The following PRPF39 variants were observed in gnomAD, a reference collection of about 807,000 sequenced individuals.
PRPF39 encodes pre-mRNA-processing factor 39.
Under a neutral mutation model 82.1 loss-of-function variants are expected in PRPF39, and 27 were observed. That is an observed-to-expected ratio of 0.33 (90% CI 0.24 to 0.45). The LOEUF is 0.45. PRPF39 is among the 20% of genes least tolerant of loss of function. The pLI, the probability that PRPF39 is intolerant of heterozygous loss-of-function variation, is 1.00. For synonymous variants in PRPF39, 261 were observed against 256.4 expected (o/e 1.02, Z -0.17); for missense variants, 581 against 796.9 (o/e 0.73, Z 3.26).
intron 5 of PRPF39, among the ~76,000 whole-genome samples, chr14:45,105,291 G>T (rs1280263162): frequency 6.6e-6 from 1 of 152,090 alleles, no homozygotes; most frequent in Non-Finnish European, 1.5e-5. Flanking sequence ...TAGTTATTTT[G>T]AAATTTTACC....
intron 10 of PRPF39, among the ~76,000 whole-genome samples, chr14:45,111,989 GA>G (rs754459066): frequency 3.3e-5 from 5 of 152,004 alleles, no homozygotes; most frequent in Admixed American, 3.3e-4. Context: ...GAAGCATAGA[GA>G]TTTTTTTTTA....
intron 1 of PRPF39, among the ~76,000 whole-genome samples, chr14:45,089,869 CTG>C (rs911543255): frequency 8.1e-4 from 123 of 152,228 alleles, no homozygotes; most frequent in African/African-American, 2.8e-3. Flanking sequence ...TCTTTTGACT[CTG>C]TGATTTGTGA....
At position 45,090,138 on chromosome 14, in the gene PRPF39, C is replaced by A. The variant is rs76963235; in HGVS notation, c.-19-5083C>A. On this transcript the variant is annotated intron_variant, in intron 1 of 13. Coordinates refer to ENST00000355765, the MANE Select transcript of PRPF39 (RefSeq NM_017922.4). ...TTAGACTGAGCTCTGAAATACAAAA[C>A]CACAAACTAGTGACTAATTTGCATT... 3.3e-3 allele frequency among the ~76,000 whole-genome samples: 495 copies of A among 152,244 alleles called. 5 individuals are homozygous for A. The highest frequency in any genetic ancestry group is 0.011 in the African/African-American group (473 of 41,526).
chr14:45,116,218 C>G lies in PRPF39; in HGVS notation c.*1305C>G, dbSNP rs1368077151. On this transcript the variant is annotated 3_prime_UTR_variant, in exon 14 of 14. Transcript: ENST00000355765. ...CTATTTCAATCAATATCCACTAATT[C>G]CACTTCAAAAGTGAGTTTTGCATTT... 4 of 1,612,504 alleles carry G rather than the reference C, an allele frequency of 2.5e-6. No homozygotes were observed. The highest frequency in any genetic ancestry group is 1.7e-6 in the Non-Finnish European group (2 of 1,178,908).
At chr14:45,086,361 G>A (rs904796841) in intron 1 of PRPF39, among the ~76,000 whole-genome samples, 5 of 152,320 alleles carry the variant, frequency 3.3e-5, no homozygotes, top group Non-Finnish European at 5.9e-5. Context: ...TATACTAAAA[G>A]TGAAAGGTAT....
chr14:45,095,192 A>G, intron 1 of PRPF39, 29 bp from the exon 2 acceptor site: 1 of 1,400,522 alleles, frequency 7.1e-7, no homozygotes, highest in Non-Finnish European at 9.8e-7. Flanking sequence ...CATTTGGAAG[A>G]TATTTCTCTT....
intron 1 of PRPF39, among the ~76,000 whole-genome samples, chr14:45,092,034 A>G (rs950844557): frequency 6.6e-6 from 1 of 152,208 alleles, no homozygotes; most frequent in African/African-American, 2.4e-5. Context: ...GAATCGTTTC[A>G]GATATGGTCA....
At chr14:45,085,989 A>G (rs1208199189) in intron 1 of PRPF39, among the ~76,000 whole-genome samples, 1 of 150,642 alleles carries the variant, frequency 6.6e-6, no homozygotes, top group East Asian at 1.9e-4. Flanking sequence ...CTCGTTGCCC[A>G]GGCTGGAGTG....
At position 45,089,540 on chromosome 14, in the gene PRPF39, C is replaced by T. The variant is rs8007127; in HGVS notation, c.-20+5291C>T. On this transcript the variant is annotated intron_variant, in intron 1 of 13. Coordinates refer to ENST00000355765, the MANE Select transcript of PRPF39 (RefSeq NM_017922.4). Reference sequence around the variant, plus strand: ...CTGGAGTGCAGTGGCACGATCACGACTCACTGCAGCCTTGACTCCCACTTC... The same window carrying T: ...CTGGAGTGCAGTGGCACGATCACGATTCACTGCAGCCTTGACTCCCACTTC... Among the ~76,000 whole-genome samples the T allele has an allele frequency of 3.8e-3, 573 of 152,298 alleles. 2 individuals carry two copies. The highest frequency in any genetic ancestry group is 0.013 in the African/African-American group (536 of 41,552).
Position 45,114,275 on chromosome 14 carries a change from A to G in PRPF39, c.1832+18A>G, listed in dbSNP as rs969066666. 6.5e-7 allele frequency: 1 copy of G among 1,549,482 alleles called. No homozygotes were observed. The highest frequency in any genetic ancestry group is 1.4e-5 in the African/African-American group (1 of 73,086). On this transcript the variant is annotated intron_variant, in intron 12 of 13. Transcript: ENST00000355765. ...GAAAATGGGTATGTCACTTTTTGCTAAGTCAAGAAGGCGTGCTTCATTATG... is the reference window on the plus strand; with the variant it reads ...GAAAATGGGTATGTCACTTTTTGCTGAGTCAAGAAGGCGTGCTTCATTATG...
intron 5 of PRPF39, among the ~76,000 whole-genome samples, chr14:45,106,257 G>A (rs1884528973): frequency 6.6e-6 from 1 of 152,136 alleles, no homozygotes. Flanking sequence ...GCTGAGGCAG[G>A]AGAATTGCTT....
chr14:45,108,400 C>G lies in PRPF39; in HGVS notation c.904-15C>G, dbSNP rs752760529. 5.1e-6 allele frequency: 8 copies of G among 1,555,386 alleles called. No homozygotes were observed. On this transcript the variant is annotated splice_polypyrimidine_tract_variant and intron_variant, in intron 6 of 13. Transcript: ENST00000355765. ...CAGTTTGTGAGATTTATTTTTTTCCCTTTTTCTTCCCAAGCTAATTACAGA... is the reference window on the plus strand; with the variant it reads ...CAGTTTGTGAGATTTATTTTTTTCCGTTTTTCTTCCCAAGCTAATTACAGA...
chr14:45,103,115 T>G (rs1884424355), intron 5 of PRPF39, among the ~76,000 whole-genome samples: 1 of 152,170 alleles, frequency 6.6e-6, no homozygotes, highest in African/African-American at 2.4e-5. Context: ...GTGATTGCTA[T>G]AACACCTTAT....
intron 2 of PRPF39, among the ~76,000 whole-genome samples, chr14:45,095,889 G>GTTTTTT (rs371379977): frequency 2.5e-4 from 33 of 129,962 alleles, no homozygotes; most frequent in African/African-American, 9.1e-4. Context: ...GCCTGTGTAG[G>GTTTTTT]TTTTTTTTTT....
At chr14:45,100,951 G>T (rs1235701839) in intron 4 of PRPF39, among the ~76,000 whole-genome samples, 7 of 151,780 alleles carry the variant, frequency 4.6e-5, no homozygotes, top group African/African-American at 1.7e-4. Context: ...ATTTCTATCT[G>T]TCGTGAGATA....
chr14:45,097,059 A>C, intron 4 of PRPF39, 54 bp downstream of exon 4: 2 of 1,474,412 alleles, frequency 1.4e-6, no homozygotes, highest in Non-Finnish European at 1.8e-6. Flanking sequence ...AATTATTCTG[A>C]TGTTGATAAT....
In PRPF39 at chr14:45,108,444, T is replaced by C. The variant is rs143405085; in HGVS notation, c.933T>C (p.His311=). The C allele has an allele frequency of 5.6e-6, 9 of 1,593,928 alleles. No individual in the cohort carries two copies. The African/African-American group carries it at 1.1e-4, about 19-fold the overall frequency. The change falls in exon 7 of 14, where the codon CAT becomes CAC. Residue 311 remains histidine, a synonymous_variant. Transcript: ENST00000355765. ...KLITEIENMR[H]RIIEIHQEMF... is the part of the protein sequence containing the mutation. ...TTACAGAAATAGAAAACATGAGACA[T>C]AGAATCATTGAGATTCATCAAGAAA...
intron 1 of PRPF39, among the ~76,000 whole-genome samples, chr14:45,084,705 A>T (rs1883766561): frequency 6.6e-6 from 1 of 152,136 alleles, no homozygotes; most frequent in Non-Finnish European, 1.5e-5. Context: ...TGACTACATA[A>T]GCAACACTTT....
rs1259929113 is a variant in PRPF39 at position 45,095,433 on chromosome 14, A to G, written c.194A>G (p.Asp65Gly). 6.2e-7 allele frequency: 1 copy of G among 1,613,908 alleles called. No individual in the cohort carries two copies. The highest frequency in any genetic ancestry group is 2.2e-5 in the East Asian group (1 of 44,890). Reference sequence around the variant, plus strand: ...GAAACTGAAATGGCAAGTGCTGTGGACCTTCCAGTGACGCTGACAGAAACA... The same window carrying G: ...GAAACTGAAATGGCAAGTGCTGTGGGCCTTCCAGTGACGCTGACAGAAACA... ...TEETEMASAV[D>G]LPVTLTETEA... The change falls in exon 2 of 14, where the codon GAC (aspartate) becomes GGC (glycine). Residue 65 changes from aspartate to glycine, a missense_variant. Coordinates refer to ENST00000355765, the MANE Select transcript of PRPF39 (RefSeq NM_017922.4).
Sources: allele counts gnomAD v4.1 joint callset (sites outside exome capture counted in the v4.1 genomes callset), GRCh38; gene constraint gnomAD v4.1.1; transcripts MANE v1.5; gene names NCBI Gene and HGNC (gene_info 2026-07-23, HGNC 2026-07-21).